NF1: variants seen among roughly 807,000 people sequenced by gnomAD.
NF1 encodes the protein neurofibromin.
In NF1, 122 loss-of-function variants were observed where a neutral mutation model predicts 325.7. That is an observed-to-expected ratio of 0.37 (90% CI 0.32 to 0.44). The LOEUF is 0.44. Among genes scored for constraint, NF1 ranks in the 20% least tolerant of loss-of-function variants. The pLI is 1.00. For synonymous variants in NF1, 1,091 were observed against 1,186.0 expected (o/e 0.92, Z 1.65); for missense variants, 2,140 against 3,415.4 (o/e 0.63, Z 9.31).
At chr17:31,218,396 T>G (rs191724515) in intron 13 of NF1, among the ~76,000 whole-genome samples, 1 of 152,194 alleles carries the variant, frequency 6.6e-6, no homozygotes, top group East Asian at 1.9e-4. Flanking sequence ...ACAAAAGAAG[T>G]TTTGATTTAA....
rs1423362083 is a variant in NF1 at position 31,255,618 on chromosome 17, G to A, written c.4173+2618G>A. 2.6e-5 allele frequency among the ~76,000 whole-genome samples: 4 copies of A among 152,246 alleles called. No individual in the cohort carries two copies. The South Asian group carries it at 8.3e-4, about 32-fold the overall frequency. On this transcript the variant is annotated intron_variant, in intron 31 of 57. Transcript: ENST00000358273. ...TTTGACATGAATTATTTTTAAAGAT[G>A]TGGAAGATGGTAAAAGTGTAGTACT...
At chr17:31,171,997 G>A (rs2065934634) in intron 5 of NF1, among the ~76,000 whole-genome samples, 1 of 152,126 alleles carries the variant, frequency 6.6e-6, no homozygotes, top group Admixed American at 6.6e-5. Flanking sequence ...GTATATATTT[G>A]TTTGAGGGGA....
At chr17:31,236,871 G>A (rs1345625954) in intron 29 of NF1, among the ~76,000 whole-genome samples, 3 of 152,094 alleles carry the variant, frequency 2.0e-5, no homozygotes, top group Non-Finnish European at 4.4e-5. Flanking sequence ...CAATTGTGAC[G>A]ATTTATGAGT....
chr17:31,283,610 A>T (rs887795206), intron 36 of NF1, among the ~76,000 whole-genome samples: 4 of 152,022 alleles, frequency 2.6e-5, no homozygotes, highest in Non-Finnish European at 5.9e-5. Flanking sequence ...GTGCACCACC[A>T]TGCCAGACTA....
chr17:31,114,877 A>C lies in NF1; in HGVS notation c.60+19508A>C, dbSNP rs143714540. Among the ~76,000 whole-genome samples the C allele has an allele frequency of 3.7e-4, 56 of 152,156 alleles. 2 individuals carry two copies. The East Asian group carries it at 0.011, about 29-fold the overall frequency. ...TCAAAAAAAGAAAAAAAAGAATACA[A>C]ATCTTTGGTGGTCCTGCTTCATGTG... On this transcript the variant is annotated intron_variant, in intron 1 of 57. Coordinates refer to ENST00000358273, the MANE Select transcript of NF1 (RefSeq NM_001042492.3).
chr17:31,291,385 TTGAC>T (rs2068340541), intron 36 of NF1, among the ~76,000 whole-genome samples: 1 of 152,230 alleles, frequency 6.6e-6, no homozygotes, highest in African/African-American at 2.4e-5. Context: ...ATGTTACTTC[TTGAC>T]ATTGTATATT....
chr17:31,125,747 G>T (rs1287292150), intron 1 of NF1, among the ~76,000 whole-genome samples: 2 of 151,964 alleles, frequency 1.3e-5, no homozygotes, highest in African/African-American at 4.8e-5. Flanking sequence ...TGTTAGCCAG[G>T]CTGGTCTCGA....
At chr17:31,124,501 C>T (rs1409605750) in intron 1 of NF1, among the ~76,000 whole-genome samples, 1 of 137,262 alleles carries the variant, frequency 7.3e-6, no homozygotes, top group Admixed American at 7.3e-5. Flanking sequence ...TAGAGGAACA[C>T]TTAATTTGTT....
chr17:31,101,619 G>A (rs180870002), intron 1 of NF1, among the ~76,000 whole-genome samples: 39 of 151,894 alleles, frequency 2.6e-4, no homozygotes, highest in African/African-American at 8.7e-4. Flanking sequence ...CCCACTTCTT[G>A]GCCTTTATTT....
intron 1 of NF1, among the ~76,000 whole-genome samples, chr17:31,149,166 A>T (rs901356619): frequency 7.3e-5 from 11 of 150,182 alleles, no homozygotes; most frequent in Non-Finnish European, 1.3e-4. Context: ...ATGAATTTGG[A>T]TTCATTTTTT....
At position 31,327,734 on chromosome 17, in the gene NF1, A is replaced by G. The variant is rs876660025; in HGVS notation, c.5504A>G (p.Gln1835Arg). The change falls in exon 38 of 58, where the codon CAG becomes CGG. Residue 1835 changes from glutamine to arginine, a missense_variant. By Grantham distance (43) the Gln-to-Arg change is conservative (BLOSUM62 1). Transcript: ENST00000358273. ...ATCCGGACCCGCTGGGAACTGTCAC[A>G]GCCCGACTCTATCCCCCAACACACC... is the stretch of plus-strand genomic sequence containing the variant. The part of the protein sequence containing the change: ...IHIRTRWELS[Q>R]PDSIPQHTKI... 1 of 1,614,148 alleles carries G rather than the reference A, an allele frequency of 6.2e-7. No homozygotes were observed. Among genetic ancestry groups the G allele is most frequent in the Non-Finnish European group, 8.5e-7 (1 of 1,179,998 alleles).
chr17:31,277,080 A>C (rs17886686), intron 36 of NF1, among the ~76,000 whole-genome samples: 2,296 of 152,288 alleles, frequency 0.015, 34 homozygotes, highest in Non-Finnish European at 0.024. Context: ...AGGAAGAGAA[A>C]ATATATTTAC....
chr17:31,285,277 T>TTA (rs2068203354), intron 36 of NF1, among the ~76,000 whole-genome samples: 3 of 120,876 alleles, frequency 2.5e-5, no homozygotes, highest in South Asian at 5.4e-4. Context: ...AGATTCTGTT[T>TTA]AAAAAAAAAA....
chr17:31,170,055 T>G, intron 5 of NF1, 58 bp downstream of exon 5: 1 of 1,040,896 alleles, frequency 9.6e-7, no homozygotes, highest in Non-Finnish European at 1.5e-6. Flanking sequence ...ACTAGTATCA[T>G]GAATGTACTA....
intron 11 of NF1, 135 bp downstream of exon 11, chr17:31,201,620 C>T: frequency 1.5e-6 from 1 of 687,032 alleles, no homozygotes; most frequent in Non-Finnish European, 2.6e-6. Flanking sequence ...GAAAATTTCT[C>T]CATGGTGATT....
intron 35 of NF1, 91 bp downstream of exon 35, chr17:31,261,948 C>A (rs1335699782): frequency 7.9e-7 from 1 of 1,273,158 alleles, no homozygotes; most frequent in Non-Finnish European, 1.1e-6. Context: ...TGATAGAAGA[C>A]TATGAGGAAA....
At position 31,206,284 on chromosome 17, in the gene NF1, C is replaced by T. The variant is rs786201720; in HGVS notation, c.1305C>T (p.His435=). 6.2e-7 allele frequency: 1 copy of T among 1,613,902 alleles called. No individual in the cohort carries two copies. Among genetic ancestry groups the T allele is most frequent in the Non-Finnish European group, 8.5e-7 (1 of 1,179,794 alleles). ...WWPKIDAVYC[H]SVELRNMFGE... Reference sequence around the variant, plus strand: ...CTAAGATTGATGCTGTGTATTGTCACTCGGTTGAACTTCGAAATATGTTTG... The same window carrying T: ...CTAAGATTGATGCTGTGTATTGTCATTCGGTTGAACTTCGAAATATGTTTG... The change falls in exon 12 of 58, where the codon CAC becomes CAT. Residue 435 remains histidine, a synonymous_variant. Transcript: ENST00000358273.
At chr17:31,115,018 T>C (rs894512774) in intron 1 of NF1, among the ~76,000 whole-genome samples, 2 of 152,206 alleles carry the variant, frequency 1.3e-5, no homozygotes, top group African/African-American at 4.8e-5. Flanking sequence ...GTCCCCATTA[T>C]GTAGCAACAG....
At chr17:31,320,305 A>C in intron 36 of NF1, 1 of 1,322,728 alleles carries the variant, frequency 7.6e-7, no homozygotes, top group Non-Finnish European at 1.0e-6. Flanking sequence ...CGTATGCTAT[A>C]GAAATTCTTC....
Sources: gnomAD v4.1 joint callset for allele counts (sites outside exome capture counted in the v4.1 genomes callset) on GRCh38, gnomAD v4.1.1 for gene constraint, MANE v1.5 for transcripts, NCBI Gene and HGNC (gene_info 2026-07-23, HGNC 2026-07-21) for gene names.